The following RIMS1 variants were observed in gnomAD, a reference collection of about 807,000 sequenced individuals.
RIMS1 encodes regulating synaptic membrane exocytosis protein 1.
Under a neutral mutation model 214.1 loss-of-function variants are expected in RIMS1, and 83 were observed. That is an observed-to-expected ratio of 0.39 (90% CI 0.32 to 0.47). The LOEUF (loss-of-function observed/expected upper bound fraction) is 0.47. Ranked by LOEUF, RIMS1 falls within the 20% of genes least tolerant of loss-of-function variation. The pLI is 0.99. For missense variants in RIMS1, 2,050 were observed against 2,161.8 expected (o/e 0.95, Z 1.03); for synonymous variants, 793 against 786.8 (o/e 1.01, Z -0.13).
chr6:72,319,492 T>C (rs1454435032), intron 28 of RIMS1, among the ~76,000 whole-genome samples: 1 of 152,170 alleles, frequency 6.6e-6, no homozygotes, highest in Non-Finnish European at 1.5e-5. Context: ...ATAAACAGCA[T>C]CTTGTGATCA....
At chr6:71,922,077 T>C (rs1351695807) in intron 1 of RIMS1, among the ~76,000 whole-genome samples, 3 of 152,218 alleles carry the variant, frequency 2.0e-5, no homozygotes, top group Non-Finnish European at 2.9e-5. Context: ...TATTTCCACA[T>C]AGTTCCACTT....
chr6:72,121,188 A>G (rs1416471086), intron 4 of RIMS1, among the ~76,000 whole-genome samples: 1 of 151,928 alleles, frequency 6.6e-6, no homozygotes, highest in East Asian at 1.9e-4. Context: ...AATTCTGTGA[A>G]GAAAATCATT....
At chr6:72,179,057 AC>A (rs2048102089) in intron 4 of RIMS1, among the ~76,000 whole-genome samples, 1 of 152,142 alleles carries the variant, frequency 6.6e-6, no homozygotes, top group African/African-American at 2.4e-5. Context: ...TTGTGTGCTT[AC>A]TTTGTATGTT....
chr6:72,363,450 G>T (rs2097890829), intron 29 of RIMS1, among the ~76,000 whole-genome samples: 1 of 152,252 alleles, frequency 6.6e-6, no homozygotes, highest in African/African-American at 2.4e-5. Context: ...CAGATTTAAA[G>T]ATTTTCCTGT....
At chr6:72,146,193 C>T (rs543778120) in intron 4 of RIMS1, among the ~76,000 whole-genome samples, 23 of 152,284 alleles carry the variant, frequency 1.5e-4, no homozygotes, top group African/African-American at 5.3e-4. Context: ...CTACAGCTAT[C>T]GGAAACTGGC....
chr6:72,184,929 T>A (rs565926221), intron 6 of RIMS1, among the ~76,000 whole-genome samples: 1 of 152,130 alleles, frequency 6.6e-6, no homozygotes, highest in Non-Finnish European at 1.5e-5. Flanking sequence ...AGGGAAAAAA[T>A]AAACAATAAC....
intron 24 of RIMS1, among the ~76,000 whole-genome samples, chr6:72,290,298 G>T (rs2093160253): frequency 6.6e-6 from 1 of 152,062 alleles, no homozygotes; most frequent in Non-Finnish European, 1.5e-5. Flanking sequence ...CCTAATTACA[G>T]TCACTCATTC....
intron 6 of RIMS1, among the ~76,000 whole-genome samples, chr6:72,200,162 C>G (rs2051686494): frequency 6.6e-6 from 1 of 152,098 alleles, no homozygotes; most frequent in Admixed American, 6.6e-5. Flanking sequence ...ATCAGAACAT[C>G]AAAGAGCAGT....
At chr6:72,306,667 A>G (rs1435713630) in intron 26 of RIMS1, among the ~76,000 whole-genome samples, 2 of 152,230 alleles carry the variant, frequency 1.3e-5, no homozygotes, top group Non-Finnish European at 2.9e-5. Flanking sequence ...GGATATAGCC[A>G]TAAGGAATAG....
chr6:72,190,387 C>G (rs571236397), intron 6 of RIMS1, among the ~76,000 whole-genome samples: 1 of 149,358 alleles, frequency 6.7e-6, no homozygotes, highest in Admixed American at 6.8e-5. Flanking sequence ...CATTTGAACC[C>G]GGGAGGCAGA....
chr6:71,896,231 A>G (rs540354655), intron 1 of RIMS1, among the ~76,000 whole-genome samples: 14 of 152,236 alleles, frequency 9.2e-5, no homozygotes, highest in African/African-American at 3.4e-4. Context: ...TTGAAAAATA[A>G]AATACAGTAA....
At chr6:72,070,412 A>G (rs2152298213) in intron 2 of RIMS1, among the ~76,000 whole-genome samples, 1 of 152,280 alleles carries the variant, frequency 6.6e-6, no homozygotes, top group South Asian at 2.1e-4. Context: ...ACTGGAGGAA[A>G]GGCATTATAA....
chr6:72,139,287 T>C (rs1168289730), intron 4 of RIMS1, among the ~76,000 whole-genome samples: 1 of 152,186 alleles, frequency 6.6e-6, no homozygotes, highest in Non-Finnish European at 1.5e-5. Context: ...CTGGTTACTT[T>C]GCTGTTCATG....
In RIMS1 at chr6:72,401,915, T is replaced by C. The variant is rs1177679809; in HGVS notation, c.*1201T>C. On this transcript the variant is annotated 3_prime_UTR_variant, in exon 34 of 34. Coordinates refer to ENST00000521978, the MANE Select transcript of RIMS1 (RefSeq NM_014989.7). Reference sequence around the variant, plus strand: ...GATGCAAGCACAAAGCTTGATTTTTTAATGCAAAGTATCTTACTTTTTGGG... The same window carrying C: ...GATGCAAGCACAAAGCTTGATTTTTCAATGCAAAGTATCTTACTTTTTGGG... 1.3e-5 allele frequency: 2 copies of C among 152,700 alleles called. No individual in the cohort carries two copies. The highest frequency in any genetic ancestry group is 4.8e-5 in the African/African-American group (2 of 41,474). The allele number at this position is 152,700 out of a possible 1,614,324, so 9.5% of individuals were successfully genotyped here.
intron 2 of RIMS1, among the ~76,000 whole-genome samples, chr6:72,001,346 A>C (rs1562073170): frequency 6.6e-6 from 1 of 152,148 alleles, no homozygotes; most frequent in Non-Finnish European, 1.5e-5. Context: ...ATATGAAAAA[A>C]CGTTACTCAG....
At chr6:72,051,042 A>T (rs1039475497) in intron 2 of RIMS1, among the ~76,000 whole-genome samples, 1 of 152,196 alleles carries the variant, frequency 6.6e-6, no homozygotes, top group Non-Finnish European at 1.5e-5. Context: ...TCACACTTGA[A>T]AAAAGGAAGT....
At chr6:72,175,829 C>T (rs574803139) in intron 4 of RIMS1, among the ~76,000 whole-genome samples, 2 of 152,158 alleles carry the variant, frequency 1.3e-5, no homozygotes, top group Admixed American at 1.3e-4. Context: ...TTTAGTTTTT[C>T]TGCCAAACTT....
chr6:71,911,987 A>C (rs1318904621), intron 1 of RIMS1, among the ~76,000 whole-genome samples: 1 of 152,168 alleles, frequency 6.6e-6, no homozygotes, highest in Non-Finnish European at 1.5e-5. Flanking sequence ...ACCAATGTCA[A>C]AACTTTTGTA....
At chr6:72,242,641 A>G (rs1484126455) in intron 10 of RIMS1, among the ~76,000 whole-genome samples, 1 of 151,864 alleles carries the variant, frequency 6.6e-6, no homozygotes, top group Non-Finnish European at 1.5e-5. Flanking sequence ...TAGAAGCTCC[A>G]CACTTTAACA....
Sources: allele counts gnomAD v4.1 joint callset (sites outside exome capture counted in the v4.1 genomes callset), GRCh38; gene constraint gnomAD v4.1.1; transcripts MANE v1.5; gene names NCBI Gene and HGNC (gene_info 2026-07-23, HGNC 2026-07-21).